The following CYLD variants were observed in gnomAD, a reference collection of about 807,000 sequenced individuals.
CYLD encodes CYLD lysine 63 deubiquitinase.
In CYLD, 26 loss-of-function variants were observed where a neutral mutation model predicts 104.5. The ratio of observed to expected loss-of-function variants is 0.25; its 90% CI spans 0.18 to 0.35. The LOEUF (loss-of-function observed/expected upper bound fraction) is 0.35, where lower values mean the gene tolerates loss of function less well. Ranked by LOEUF, CYLD falls within the 10% of genes least tolerant of loss-of-function variation. The probability of loss-of-function intolerance (pLI) is 1.00; values close to 1 mark genes in which losing one functional copy is unlikely to be tolerated. For missense variants in CYLD, 703 were observed against 1,136.1 expected (o/e 0.62, Z 5.48); for synonymous variants, 385 against 399.9 (o/e 0.96, Z 0.45).
In CYLD at chr16:50,771,861, G is replaced by A. The variant is rs112108335; in HGVS notation, c.914-3305G>A. ...TTTCTACCTTTGTCAAAATTCAGTT[G>A]GGTATATTTATGTGGGTCTATTTCT... is the stretch of plus-strand genomic sequence containing the variant. On this transcript the variant is annotated intron_variant, in intron 5 of 18. Coordinates refer to ENST00000427738, the MANE Select transcript of CYLD (RefSeq NM_001378743.1). Among the ~76,000 whole-genome samples the A allele has an allele frequency of 1.7e-4, 26 of 152,090 alleles. 2 individuals carry two copies. The highest frequency in any genetic ancestry group is 6.3e-4 in the African/African-American group (26 of 41,498).
intron 5 of CYLD, among the ~76,000 whole-genome samples, chr16:50,754,883 A>G (rs1966856731): frequency 6.7e-6 from 1 of 150,188 alleles, no homozygotes; most frequent in Non-Finnish European, 1.5e-5. Flanking sequence ...ATGTATATAT[A>G]TATACGCATA....
chr16:50,788,945 T>C (rs2151021661), intron 14 of CYLD, among the ~76,000 whole-genome samples: 1 of 152,230 alleles, frequency 6.6e-6, no homozygotes, highest in Admixed American at 6.5e-5. Flanking sequence ...ACGTTCTGGG[T>C]AGGACAATTA....
intron 5 of CYLD, among the ~76,000 whole-genome samples, chr16:50,755,189 ACGTGTACATATG>A (rs1967060408): frequency 1.4e-5 from 2 of 143,124 alleles, no homozygotes; most frequent in African/African-American, 2.6e-5. Flanking sequence ...GTATATACAC[ACGTGTACATATG>A]TGTGTGTATA....
intron 6 of CYLD, among the ~76,000 whole-genome samples, chr16:50,775,714 A>T (rs976889204): frequency 6.6e-6 from 1 of 152,216 alleles, no homozygotes; most frequent in African/African-American, 2.4e-5. Context: ...TTAGCATATT[A>T]AAGGCTCTGG....
At position 50,790,177 on chromosome 16, in the gene CYLD, G is replaced by A. The variant is rs188135633; in HGVS notation, c.2109-1381G>A. Among the ~76,000 whole-genome samples the A allele has an allele frequency of 1.8e-4, 28 of 152,314 alleles. No individual in the cohort carries two copies. The East Asian group carries it at 5.0e-3, about 27-fold the overall frequency. On this transcript the variant is annotated intron_variant, in intron 14 of 18. Coordinates refer to ENST00000427738, the MANE Select transcript of CYLD (RefSeq NM_001378743.1). ...TAAAAATATTCAGAATTTCTGAGCA[G>A]GAAGAACCAGGACTAAATTACCATT...
intron 14 of CYLD, among the ~76,000 whole-genome samples, chr16:50,789,316 A>G (rs564116242): frequency 7.9e-5 from 12 of 152,332 alleles, no homozygotes; most frequent in Middle Eastern, 6.8e-3. Flanking sequence ...AAAAAAGTCA[A>G]TTTGGTTTTT....
intron 3 of CYLD, 76 bp downstream of exon 3, chr16:50,750,278 A>G (rs1966513665): frequency 1.7e-5 from 25 of 1,507,908 alleles, no homozygotes; most frequent in Non-Finnish European, 2.1e-5. Context: ...GCACATACAT[A>G]TTTTTCTCCT....
chr16:50,792,599 A>G lies in CYLD; in HGVS notation c.2244A>G (p.Ala748=), dbSNP rs370702435. The G allele has an allele frequency of 3.1e-6, 5 of 1,600,406 alleles. No homozygotes were observed. The highest frequency in any genetic ancestry group is 4.3e-6 in the Non-Finnish European group (5 of 1,169,252). The part of the protein sequence containing the change: ...FINSNLKFAE[A]PSCLIIQMPR... ...AAAAATATCTGTCTTTTTTATAGGC[A>G]CCATCATGTCTGATTATTCAGATGC... Residue 748 remains alanine, a splice_region_variant and synonymous_variant, in exon 16 of 19, where the codon GCA becomes GCG. Transcript: ENST00000427738.
At chr16:50,749,031 G>A (rs1044207941) in intron 2 of CYLD, among the ~76,000 whole-genome samples, 8 of 152,108 alleles carry the variant, frequency 5.3e-5, no homozygotes, top group African/African-American at 1.9e-4. Context: ...GTGAGACCCT[G>A]TCTCTACAAA....
At chr16:50,775,647 C>T (rs1490846061) in intron 6 of CYLD, among the ~76,000 whole-genome samples, 2 of 152,110 alleles carry the variant, frequency 1.3e-5, no homozygotes, top group African/African-American at 4.8e-5. Flanking sequence ...CAAAGTGGCA[C>T]AAAAATTTTT....
Position 50,764,544 on chromosome 16 carries a change from A to G in CYLD, c.913+10120A>G, listed in dbSNP as rs1477176. On this transcript the variant is annotated intron_variant, in intron 5 of 18. Transcript: ENST00000427738. ...TTGTGCTTTCTTATATTCTTCACCAATCTTACCAGTGGTTTCTGACTTTCA... is the reference window on the plus strand; with the variant it reads ...TTGTGCTTTCTTATATTCTTCACCAGTCTTACCAGTGGTTTCTGACTTTCA... Among the ~76,000 whole-genome samples the G allele has an allele frequency of 0.011, 1,692 of 152,286 alleles. 99 individuals carry two copies. The East Asian group carries it at 0.19, about 17-fold the overall frequency.
In CYLD at chr16:50,792,713, T is replaced by A; in HGVS notation, c.2350+8T>A. On this transcript the variant is annotated splice_region_variant and intron_variant, in intron 16 of 18. Coordinates refer to ENST00000427738, the MANE Select transcript of CYLD (RefSeq NM_001378743.1). The stretch of plus-strand genomic sequence containing the variant: ...CAGATTTACTTGAAGACAGTAAGTA[T>A]GAGATTTTTTTAGTTTGTTTTGTTG... The A allele has an allele frequency of 7.3e-7, 1 of 1,364,930 alleles. No homozygotes were observed. Among genetic ancestry groups the A allele is most frequent in the Non-Finnish European group, 1.0e-6 (1 of 963,748 alleles). 84.6% of individuals were successfully genotyped at this position (1,364,930 alleles called of 1,614,324 possible). A position where few individuals can be genotyped will look rare whatever the true frequency, so the allele number is the denominator to read the frequency against.
At position 50,801,269 on chromosome 16, in the gene CYLD, T is replaced by C. The variant is rs552106131; in HGVS notation, c.*4761T>C. 2 of 233,490 alleles carry C rather than the reference T, an allele frequency of 8.6e-6. No homozygotes were observed. Among genetic ancestry groups the C allele is most frequent in the East Asian group, 6.0e-5 (1 of 16,738 alleles). 14.5% of individuals were successfully genotyped at this position (233,490 alleles called of 1,614,324 possible). Reference sequence around the variant, plus strand: ...AAAGGAAGGTCCTCCTCCTCCCTGATTGTAGCATCCAGCAGTCTCTGTAGC... The same window carrying C: ...AAAGGAAGGTCCTCCTCCTCCCTGACTGTAGCATCCAGCAGTCTCTGTAGC... On this transcript the variant is annotated 3_prime_UTR_variant, in exon 19 of 19. Coordinates refer to ENST00000427738, the MANE Select transcript of CYLD (RefSeq NM_001378743.1).
intron 16 of CYLD, among the ~76,000 whole-genome samples, chr16:50,793,119 C>T (rs1022772863): frequency 0.014 from 1,571 of 113,650 alleles, 34 homozygotes; most frequent in African/African-American, 0.066. Context: ...GCCATATACA[C>T]ACACACACAC....
intron 5 of CYLD, among the ~76,000 whole-genome samples, chr16:50,757,266 A>G (rs1967358552): frequency 6.6e-6 from 1 of 152,152 alleles, no homozygotes; most frequent in South Asian, 2.1e-4. Flanking sequence ...AAGTTAGGGC[A>G]TGCTTTCTGC....
At position 50,781,320 on chromosome 16, in the gene CYLD, G is replaced by A. The variant is rs780165987; in HGVS notation, c.1593G>A (p.Ala531=). The A allele has an allele frequency of 3.1e-6, 5 of 1,613,918 alleles. No individual in the cohort carries two copies. Among genetic ancestry groups the A allele is most frequent in the African/African-American group, 2.7e-5 (2 of 75,034 alleles). Residue 531 remains alanine, a synonymous_variant, in exon 10 of 19, where the codon GCG becomes GCA. Transcript: ENST00000427738. The part of the protein sequence containing the change: ...TRYFTCALKK[A]LFVKLKSCRP... ...ATTTCACCTGTGCCCTGAAGAAGGC[G>A]CTGTTTGTGAAACTGAAGAGCTGCA...
At chr16:50,780,939 G>A (rs1262911774) in intron 9 of CYLD, among the ~76,000 whole-genome samples, 1 of 151,832 alleles carries the variant, frequency 6.6e-6, no homozygotes, top group Non-Finnish European at 1.5e-5. Context: ...CTCCTTCCCT[G>A]CCTGTTTTAA....
At chr16:50,750,323 T>A in intron 3 of CYLD, 121 bp downstream of exon 3, 1 of 1,126,200 alleles carries the variant, frequency 8.9e-7, no homozygotes, top group Non-Finnish European at 1.3e-6. Flanking sequence ...GAGTCTTCTG[T>A]AATTTTTAAT....
chr16:50,795,439 C>T (rs2151043897), intron 18 of CYLD: 1 of 641,112 alleles, frequency 1.6e-6, no homozygotes, highest in Admixed American at 2.4e-5. Context: ...TTTGTTAAAG[C>T]AGCCCTGCCT....
Sources: gnomAD v4.1 joint callset for allele counts (sites outside exome capture counted in the v4.1 genomes callset) on GRCh38, gnomAD v4.1.1 for gene constraint, MANE v1.5 for transcripts, NCBI Gene and HGNC (gene_info 2026-07-23, HGNC 2026-07-21) for gene names.